The following CNTNAP2 variants were observed in gnomAD, a reference collection of about 807,000 sequenced individuals.
CNTNAP2 encodes contactin-associated protein-like 2.
In CNTNAP2, 98 loss-of-function variants were observed where a neutral mutation model predicts 155.2. The ratio of observed to expected loss-of-function variants is 0.63; its 90% CI spans 0.54 to 0.75. The LOEUF (loss-of-function observed/expected upper bound fraction) is 0.75, where lower values mean the gene tolerates loss of function less well. Among genes scored for constraint, CNTNAP2 ranks in the 30% least tolerant of loss-of-function variants. The pLI is 0.00. For synonymous variants in CNTNAP2, 651 were observed against 631.2 expected (o/e 1.03, Z -0.47); for missense variants, 1,727 against 1,688.1 (o/e 1.02, Z -0.40).
chr7:146,233,191 G>C (rs1190941652), intron 1 of CNTNAP2, among the ~76,000 whole-genome samples: 1 of 151,998 alleles, frequency 6.6e-6, no homozygotes, highest in Non-Finnish European at 1.5e-5. Context: ...TTTTATTATG[G>C]TTTACTTGAG....
intron 8 of CNTNAP2, among the ~76,000 whole-genome samples, chr7:147,141,854 C>T (rs981457940): frequency 6.6e-6 from 1 of 152,034 alleles, no homozygotes; most frequent in African/African-American, 2.4e-5. Context: ...ATTCTGTCTC[C>T]CATATTATCC....
chr7:148,158,075 G>A (rs891608128), intron 17 of CNTNAP2, among the ~76,000 whole-genome samples: 2 of 152,014 alleles, frequency 1.3e-5, no homozygotes, highest in African/African-American at 2.4e-5. Context: ...AAGGGCAAAG[G>A]ATAGCCCCTT....
At chr7:147,412,206 T>C (rs570247836) in intron 10 of CNTNAP2, among the ~76,000 whole-genome samples, 2 of 152,278 alleles carry the variant, frequency 1.3e-5, no homozygotes, top group Non-Finnish European at 2.9e-5. Context: ...TATTAGCCTC[T>C]TGTGGTCTGG....
chr7:147,987,053 A>G (rs1001940662), intron 15 of CNTNAP2, among the ~76,000 whole-genome samples: 1 of 152,134 alleles, frequency 6.6e-6, no homozygotes, highest in African/African-American at 2.4e-5. Flanking sequence ...GCTACTAACA[A>G]CTGAGAAGCA....
intron 1 of CNTNAP2, among the ~76,000 whole-genome samples, chr7:146,681,533 TGGTGGG>T (rs1800503910): frequency 4.6e-5 from 1 of 21,956 alleles, no homozygotes. Flanking sequence ...GGTGGGAGGG[TGGTGGG>T]GGAGGGAGAT....
At chr7:148,388,828 C>T (rs532680309) in intron 22 of CNTNAP2, among the ~76,000 whole-genome samples, 31 of 152,276 alleles carry the variant, frequency 2.0e-4, no homozygotes, top group East Asian at 5.8e-4. Flanking sequence ...GTATCTGCAG[C>T]GGTGTTTGCA....
intron 1 of CNTNAP2, among the ~76,000 whole-genome samples, chr7:146,207,367 G>T (rs528526325): frequency 1.3e-5 from 2 of 151,520 alleles, no homozygotes; most frequent in African/African-American, 4.8e-5. Context: ...TCTTTAATGG[G>T]GATTAAAATG....
chr7:147,955,870 A>G (rs1478123528), intron 14 of CNTNAP2, among the ~76,000 whole-genome samples: 1 of 152,228 alleles, frequency 6.6e-6, no homozygotes, highest in African/African-American at 2.4e-5. Flanking sequence ...AAGTCTCCAA[A>G]GAATGGCTTG....
chr7:147,779,770 C>T (rs963398551), intron 13 of CNTNAP2, among the ~76,000 whole-genome samples: 1 of 152,156 alleles, frequency 6.6e-6, no homozygotes, highest in Non-Finnish European at 1.5e-5. Flanking sequence ...TTAAAACTTG[C>T]TATCTCCTGC....
chr7:147,131,869 C>T (rs1175545430), intron 7 of CNTNAP2, among the ~76,000 whole-genome samples: 1 of 151,950 alleles, frequency 6.6e-6, no homozygotes, highest in African/African-American at 2.4e-5. Context: ...ATCTCTCTCC[C>T]TGACTTATGT....
At chr7:146,214,212 A>G (rs1464199607) in intron 1 of CNTNAP2, among the ~76,000 whole-genome samples, 4 of 152,230 alleles carry the variant, frequency 2.6e-5, no homozygotes, top group Non-Finnish European at 5.9e-5. Context: ...CTTTTATACA[A>G]AATCCCTAAG....
chr7:146,417,132 A>G (rs1356331333), intron 1 of CNTNAP2, among the ~76,000 whole-genome samples: 5 of 152,128 alleles, frequency 3.3e-5, no homozygotes, highest in South Asian at 2.1e-4. Context: ...TACATAGTTA[A>G]CTACCCTAAG....
intron 9 of CNTNAP2, among the ~76,000 whole-genome samples, chr7:147,323,996 A>G (rs1396850396): frequency 6.6e-6 from 1 of 151,914 alleles, no homozygotes; most frequent in Non-Finnish European, 1.5e-5. Context: ...TTAGAAAGCA[A>G]AGGATTATAC....
chr7:147,577,243 A>T (rs1383879595), intron 12 of CNTNAP2, among the ~76,000 whole-genome samples: 1 of 152,068 alleles, frequency 6.6e-6, no homozygotes, highest in Non-Finnish European at 1.5e-5. Flanking sequence ...CTACAATCCC[A>T]GGCCAGCTTA....
At chr7:146,783,295 AAT>A (rs1802521236) in intron 2 of CNTNAP2, among the ~76,000 whole-genome samples, 1 of 152,182 alleles carries the variant, frequency 6.6e-6, no homozygotes, top group African/African-American at 2.4e-5. Flanking sequence ...TCCTTAGCCC[AAT>A]ATATTCTATC....
Position 147,895,127 on chromosome 7 carries a change from C to T in CNTNAP2, c.2099-8438C>T, listed in dbSNP as rs147707452. Among the ~76,000 whole-genome samples, 14 of 151,782 alleles carry T rather than the reference C, an allele frequency of 9.2e-5. No individual in the cohort carries two copies. The East Asian group carries it at 2.5e-3, about 27-fold the overall frequency. ...TAGCTGGGATTACAGGTGCACACCA[C>T]CACAGCTGGCTAATTTTTGTATTTT... On this transcript the variant is annotated intron_variant, in intron 13 of 23. Transcript: ENST00000361727.
At chr7:147,476,166 C>A (rs1798316417) in intron 10 of CNTNAP2, among the ~76,000 whole-genome samples, 1 of 151,900 alleles carries the variant, frequency 6.6e-6, no homozygotes, top group Admixed American at 6.6e-5. Flanking sequence ...AGTGCAGTGG[C>A]ACGATCTCGG....
intron 3 of CNTNAP2, among the ~76,000 whole-genome samples, chr7:146,887,192 C>A (rs1010143511): frequency 6.6e-6 from 1 of 151,778 alleles, no homozygotes; most frequent in Non-Finnish European, 1.5e-5. Context: ...TCTTGTGGCC[C>A]AGGCTGGAGT....
At chr7:146,335,100 G>A (rs964967192) in intron 1 of CNTNAP2, among the ~76,000 whole-genome samples, 1 of 152,116 alleles carries the variant, frequency 6.6e-6, no homozygotes, top group African/African-American at 2.4e-5. Context: ...GTCTGCCAGT[G>A]GCCAAATGCT....
Sources: allele counts gnomAD v4.1 joint callset (sites outside exome capture counted in the v4.1 genomes callset), GRCh38; gene constraint gnomAD v4.1.1; transcripts MANE v1.5; gene names NCBI Gene and HGNC (gene_info 2026-07-23, HGNC 2026-07-21).